The following EPHA4 variants were observed in gnomAD, a reference collection of about 807,000 sequenced individuals.
The protein encoded by EPHA4 is EPH receptor A4, also known as ephrin type-A receptor 4.
EPHA4 carries 19 observed loss-of-function variants against 108.3 expected under a neutral mutation model. The observed-to-expected ratio is 0.18, with a 90% CI of 0.12 to 0.26. The LOEUF is 0.26. Ranked by LOEUF, EPHA4 falls within the 10% of genes least tolerant of loss-of-function variation. The pLI is 1.00. For missense variants in EPHA4, 917 were observed against 1,254.0 expected (o/e 0.73, Z 4.06); for synonymous variants, 449 against 455.5 (o/e 0.99, Z 0.18).
At chr2:221,458,960 G>A (rs1328485945) in intron 5 of EPHA4, among the ~76,000 whole-genome samples, 8 of 152,052 alleles carry the variant, frequency 5.3e-5, no homozygotes. Context: ...CCCAAACTGG[G>A]GAAACAAATG....
chr2:221,549,802 C>G (rs151313719), intron 3 of EPHA4, among the ~76,000 whole-genome samples: 6,425 of 152,226 alleles, frequency 0.042, 406 homozygotes, highest in African/African-American at 0.15. Flanking sequence ...GCCTGGTCAA[C>G]ATGGTGAAAC....
In EPHA4 at chr2:221,515,960, GA is replaced by G. The variant is rs71050339; in HGVS notation, c.824-14789del. Among the ~76,000 whole-genome samples, 997 of 140,828 alleles carry G rather than the reference GA, an allele frequency of 7.1e-3. 3 individuals carry two copies. Among genetic ancestry groups the G allele is most frequent in the Non-Finnish European group, 0.011 (730 of 64,974 alleles). 92.4% of individuals were successfully genotyped at this position (140,828 alleles called of 152,430 possible). Reference sequence around the variant, plus strand: ...TTCTAAAGAGGCTCAGATTTGAAGGGAAAAAAAAAAAAAAAGATGAAGTCAT... The same window carrying G: ...TTCTAAAGAGGCTCAGATTTGAAGGGAAAAAAAAAAAAAAGATGAAGTCAT... On this transcript the variant is annotated intron_variant, in intron 3 of 17. Transcript: ENST00000281821.
At chr2:221,556,362 T>A (rs1039158761) in intron 3 of EPHA4, among the ~76,000 whole-genome samples, 1 of 152,028 alleles carries the variant, frequency 6.6e-6, no homozygotes, top group Admixed American at 6.6e-5. Context: ...AGTGGTGAGA[T>A]CTTGGTTCAA....
chr2:221,556,719 C>T lies in EPHA4; in HGVS notation c.823+7012G>A, dbSNP rs113035662. The stretch of plus-strand genomic sequence containing the variant: ...TCTGTGGTTTTGCCTACCGAAGGTA[C>T]AGTACAGTAAGATATTTTTGAGAAA... On this transcript the variant is annotated intron_variant, in intron 3 of 17. Coordinates refer to ENST00000281821, the MANE Select transcript of EPHA4 (RefSeq NM_004438.5). 5.6e-3 allele frequency among the ~76,000 whole-genome samples: 845 copies of T among 152,006 alleles called. 8 individuals carry two copies. The highest frequency in any genetic ancestry group is 0.019 in the African/African-American group (793 of 41,446).
At chr2:221,494,162 C>T (rs116358535) in intron 4 of EPHA4, among the ~76,000 whole-genome samples, 193 of 152,222 alleles carry the variant, frequency 1.3e-3, no homozygotes, top group African/African-American at 4.1e-3. Context: ...TTGAAAAATA[C>T]GAAAAACTAC....
At chr2:221,449,088 A>G (rs1484979604) in intron 8 of EPHA4, among the ~76,000 whole-genome samples, 1 of 152,230 alleles carries the variant, frequency 6.6e-6, no homozygotes, top group Non-Finnish European at 1.5e-5. Context: ...GTGGAGTGTT[A>G]TTTGGAGGAG....
intron 5 of EPHA4, among the ~76,000 whole-genome samples, chr2:221,461,826 G>T (rs574690462): frequency 7.2e-5 from 11 of 152,182 alleles, no homozygotes; most frequent in Admixed American, 2.0e-4. Flanking sequence ...AAGAGGAGAC[G>T]ATTCCTACTG....
intron 5 of EPHA4, among the ~76,000 whole-genome samples, chr2:221,481,060 C>T (rs773941256): frequency 1.3e-5 from 2 of 152,140 alleles, no homozygotes; most frequent in African/African-American, 2.4e-5. Flanking sequence ...CTCTGTTTCC[C>T]TTCTCCTCTC....
chr2:221,498,015 A>G (rs753870587), intron 4 of EPHA4, among the ~76,000 whole-genome samples: 4 of 152,192 alleles, frequency 2.6e-5, no homozygotes, highest in South Asian at 4.1e-4. Context: ...TAAAAATACA[A>G]TTCCAAGGGC....
Position 221,571,255 on chromosome 2 carries a change from TAC to T in EPHA4, c.91+901_91+902del, listed in dbSNP as rs34969368. 3.1e-4 allele frequency among the ~76,000 whole-genome samples: 44 copies of T among 142,370 alleles called. No individual in the cohort carries two copies. The highest frequency in any genetic ancestry group is 3.0e-3 in the East Asian group (14 of 4,712). The allele number at this position is 142,370 out of a possible 152,430, so 93.4% of individuals were successfully genotyped here. On this transcript the variant is annotated intron_variant, in intron 1 of 17. Transcript: ENST00000281821. The surrounding 1 kb of genome is among the most constrained non-coding windows in gnomAD (Gnocchi z 6.3). ...CAGACATGCACACACACACCACACA[TAC>T]ACACACACACACACACAGTTCGCCT... is the stretch of plus-strand genomic sequence containing the variant.
At chr2:221,566,508 CTT>C (rs1694629827) in intron 2 of EPHA4, among the ~76,000 whole-genome samples, 1 of 152,008 alleles carries the variant, frequency 6.6e-6, no homozygotes, top group Admixed American at 6.6e-5. Flanking sequence ...AACTTTATAA[CTT>C]GACACAATTT....
At chr2:221,560,717 T>A (rs1694436843) in intron 3 of EPHA4, among the ~76,000 whole-genome samples, 1 of 152,196 alleles carries the variant, frequency 6.6e-6, no homozygotes, top group Non-Finnish European at 1.5e-5. Context: ...GTCTGTAAAC[T>A]AAATATAACT....
chr2:221,460,273 A>C (rs1691097982), intron 5 of EPHA4, among the ~76,000 whole-genome samples: 3 of 152,220 alleles, frequency 2.0e-5, no homozygotes, highest in South Asian at 4.1e-4. Flanking sequence ...AGAGAAATGC[A>C]AGCAAGAACG....
intron 11 of EPHA4, among the ~76,000 whole-genome samples, chr2:221,438,588 G>GT (rs1304781943): frequency 2.6e-5 from 4 of 152,214 alleles, no homozygotes; most frequent in South Asian, 4.2e-4. Context: ...AGGGGTTTGA[G>GT]ACCAGCCTAG....
intron 8 of EPHA4, among the ~76,000 whole-genome samples, chr2:221,454,853 G>A (rs1446880176): frequency 1.3e-5 from 2 of 152,168 alleles, no homozygotes; most frequent in African/African-American, 2.4e-5. Context: ...TAGAGGATAA[G>A]GGCTCAGATG....
chr2:221,472,470 T>C (rs1354318501), intron 5 of EPHA4, among the ~76,000 whole-genome samples: 2 of 152,100 alleles, frequency 1.3e-5, no homozygotes, highest in Non-Finnish European at 2.9e-5. Flanking sequence ...TGTGAGTCTA[T>C]TGGTGGCAGG....
At position 221,548,234 on chromosome 2, in the gene EPHA4, G is replaced by A. The variant is rs183293388; in HGVS notation, c.823+15497C>T. 2.6e-5 allele frequency among the ~76,000 whole-genome samples: 4 copies of A among 152,280 alleles called. No homozygotes were observed. In the East Asian group the frequency reaches 7.7e-4, roughly 29 times the overall value. ...TAGCCAGGCGTGGCGCCGCATGCCTGTAGTCCCAGCTACTTGGGAGGCTGA... is the reference window on the plus strand; with the variant it reads ...TAGCCAGGCGTGGCGCCGCATGCCTATAGTCCCAGCTACTTGGGAGGCTGA... On this transcript the variant is annotated intron_variant, in intron 3 of 17. Transcript: ENST00000281821.
intron 3 of EPHA4, among the ~76,000 whole-genome samples, chr2:221,524,569 C>T (rs1396769515): frequency 6.6e-6 from 1 of 152,170 alleles, no homozygotes; most frequent in Non-Finnish European, 1.5e-5. Flanking sequence ...AATTTCCTAA[C>T]AAAGCCTATG....
intron 8 of EPHA4, among the ~76,000 whole-genome samples, chr2:221,448,155 T>C (rs1015192965): frequency 3.3e-5 from 5 of 150,790 alleles, no homozygotes; most frequent in African/African-American, 9.7e-5. Context: ...ATCTATTATT[T>C]AATTGCATCT....
Sources: allele counts gnomAD v4.1 joint callset (sites outside exome capture counted in the v4.1 genomes callset), GRCh38; gene constraint gnomAD v4.1.1; non-coding constraint Gnocchi (gnomAD v3.1); transcripts MANE v1.5; gene names NCBI Gene and HGNC (gene_info 2026-07-23, HGNC 2026-07-21).